CRLF3: variants seen among roughly 807,000 people sequenced by gnomAD.
The protein encoded by CRLF3 is cytokine receptor-like factor 3.
CRLF3 carries 33 observed loss-of-function variants against 55.0 expected under a neutral mutation model. That is an observed-to-expected ratio of 0.60 (90% CI 0.46 to 0.80). CRLF3 has a LOEUF of 0.80. CRLF3 is among the 30% of genes least tolerant of loss of function. The probability of loss-of-function intolerance (pLI) is 0.00; values close to 1 mark genes in which losing one functional copy is unlikely to be tolerated. For missense variants in CRLF3, 494 were observed against 538.4 expected, an observed-to-expected ratio of 0.92 and a Z score of 0.82; for synonymous variants, 238 against 196.8, an observed-to-expected ratio of 1.21 and a Z score of -1.75.
Position 30,824,561 on chromosome 17 carries a change from C to T in CRLF3, c.91G>A (p.Gly31Ser). 1 of 1,601,644 alleles carries T rather than the reference C, an allele frequency of 6.2e-7. No individual in the cohort carries two copies. Among genetic ancestry groups the T allele is most frequent in the Non-Finnish European group, 8.5e-7 (1 of 1,178,128 alleles). Residue 31 changes from glycine (G) to serine (S), a missense_variant, in exon 1 of 8, where the codon GGT becomes AGT. Physicochemically the swap from Gly to Ser is moderately conservative, Grantham distance 56 (BLOSUM62 0). Coordinates refer to ENST00000324238, the MANE Select transcript of CRLF3 (RefSeq NM_015986.4). ...EAAQSYRREL[G>S]HRLEGLREAR... ...TCACGCAGCCCCTCAAGCCGGTGACCCAGCTCCCGCCGGTAGCTCTGCGCT... is the reference window on the plus strand; with the variant it reads ...TCACGCAGCCCCTCAAGCCGGTGACTCAGCTCCCGCCGGTAGCTCTGCGCT...
chr17:30,784,095 G>T lies in CRLF3; in HGVS notation c.*92C>A. 2 of 1,175,494 alleles carry T rather than the reference G, an allele frequency of 1.7e-6. No individual in the cohort carries two copies. The highest frequency in any genetic ancestry group is 1.2e-6 in the Non-Finnish European group (1 of 832,168). The allele number at this position is 1,175,494 out of a possible 1,614,324, so 72.8% of individuals were successfully genotyped here. On this transcript the variant is annotated 3_prime_UTR_variant, in exon 8 of 8. Transcript: ENST00000324238. Reference sequence around the variant, plus strand: ...CTTTCCAATGGCCTAAGTTAGAGATGAATTCAACTTTTTTTTTAAAGCAAT... The same window carrying T: ...CTTTCCAATGGCCTAAGTTAGAGATTAATTCAACTTTTTTTTTAAAGCAAT...
chr17:30,805,296 AG>A (rs1173435071), intron 1 of CRLF3, among the ~76,000 whole-genome samples: 1 of 152,212 alleles, frequency 6.6e-6, no homozygotes, highest in Non-Finnish European at 1.5e-5. Context: ...CGCTAAAAAA[AG>A]TTATAAATTA....
chr17:30,796,277 T>C lies in CRLF3; in HGVS notation c.486A>G (p.Ser162=). 1 of 1,614,096 alleles carries C rather than the reference T, an allele frequency of 6.2e-7. No homozygotes were observed. The highest frequency in any genetic ancestry group is 8.5e-7 in the Non-Finnish European group (1 of 1,179,970). Residue 162 remains serine, a synonymous_variant, in exon 4 of 8, where the codon TCA becomes TCG. Transcript: ENST00000324238. ...TGTGGTCTTTCACTATGTTAAGAAT[T>C]GAGTCATCCAACTGAGCAGATAAAC... The part of the protein sequence containing the change: ...VPCLSAQLDD[S]ILNIVKDHIF...
At chr17:30,786,158 G>A in intron 6 of CRLF3, 127 bp from the exon 7 acceptor site, 1 of 613,848 alleles carries the variant, frequency 1.6e-6, no homozygotes, top group Admixed American at 2.9e-5. Flanking sequence ...CAGCAACCAT[G>A]ATTGAGTTCT....
At chr17:30,799,731 C>T (rs1484346886) in intron 2 of CRLF3, among the ~76,000 whole-genome samples, 1 of 152,064 alleles carries the variant, frequency 6.6e-6, no homozygotes, top group African/African-American at 2.4e-5. Flanking sequence ...TCTTGAACTC[C>T]TGACCTCAGA....
intron 1 of CRLF3, among the ~76,000 whole-genome samples, chr17:30,821,263 C>A (rs1327755537): frequency 6.6e-6 from 1 of 150,922 alleles, no homozygotes; most frequent in African/African-American, 2.4e-5. Context: ...TCACTTGAGC[C>A]TGAGAGGCAG....
intron 1 of CRLF3, among the ~76,000 whole-genome samples, chr17:30,813,476 T>C (rs532657875): frequency 4.9e-4 from 74 of 152,098 alleles, no homozygotes; most frequent in Admixed American, 7.9e-4. Context: ...GGAAAGAGAG[T>C]AGGAGACATT....
intron 7 of CRLF3, chr17:30,784,645 C>T: frequency 2.1e-6 from 1 of 470,422 alleles, no homozygotes; most frequent in Non-Finnish European, 3.8e-6. Flanking sequence ...TCAGTGTCAT[C>T]AAAAGAAACT....
chr17:30,791,459 G>GGCTGGATTACACCCACCTCA, intron 6 of CRLF3, among the ~76,000 whole-genome samples: 1 of 151,096 alleles, frequency 6.6e-6, no homozygotes, highest in Admixed American at 6.6e-5. Context: ...CAACCGCCTC[G>GGCTGGATTACACCCACCTCA]GCCTCCCAAA....
intron 1 of CRLF3, among the ~76,000 whole-genome samples, chr17:30,811,844 C>T (rs1462871363): frequency 2.1e-5 from 3 of 141,604 alleles, no homozygotes; most frequent in African/African-American, 7.9e-5. Flanking sequence ...GGTGCGGTGG[C>T]TCACGCCTGT....
intron 1 of CRLF3, among the ~76,000 whole-genome samples, chr17:30,823,997 C>G (rs1303751313): frequency 6.6e-6 from 1 of 152,030 alleles, no homozygotes; most frequent in African/African-American, 2.4e-5. Context: ...AGGCATTAAC[C>G]GCATTTATTG....
intron 1 of CRLF3, among the ~76,000 whole-genome samples, chr17:30,822,720 A>C (rs1162400780): frequency 1.3e-5 from 2 of 152,202 alleles, no homozygotes; most frequent in East Asian, 3.8e-4. Flanking sequence ...TATCAAGAGA[A>C]ATTAATTACT....
chr17:30,820,238 C>G (rs561348754), intron 1 of CRLF3, among the ~76,000 whole-genome samples: 1 of 152,310 alleles, frequency 6.6e-6, no homozygotes, highest in South Asian at 2.1e-4. Flanking sequence ...AGAGCCCAAA[C>G]TTAACCACAA....
chr17:30,797,406 CAAG>C lies in CRLF3; in HGVS notation c.338-11_338-9del. 6.2e-7 allele frequency: 1 copy of C among 1,605,630 alleles called. No individual in the cohort carries two copies. On this transcript the variant is annotated splice_polypyrimidine_tract_variant and intron_variant, in intron 2 of 7. Coordinates refer to ENST00000324238, the MANE Select transcript of CRLF3 (RefSeq NM_015986.4). ...CAAGCATGGCGATTTCACCTACAAT[CAAG>C]AATAAGAGAACTAGAACAATGAAAA... is the stretch of plus-strand genomic sequence containing the variant.
At chr17:30,821,361 AGG>A (rs1855093121) in intron 1 of CRLF3, among the ~76,000 whole-genome samples, 1 of 151,120 alleles carries the variant, frequency 6.6e-6, no homozygotes. Flanking sequence ...AAAAGAAAAA[AGG>A]AAAAAAAGTA....
chr17:30,788,272 G>C (rs1409886635), intron 6 of CRLF3, among the ~76,000 whole-genome samples: 1 of 150,138 alleles, frequency 6.7e-6, no homozygotes, highest in Non-Finnish European at 1.5e-5. Context: ...AGGTTGCAGT[G>C]AGCCGATTGT....
At chr17:30,791,720 G>A (rs1971806028) in intron 6 of CRLF3, among the ~76,000 whole-genome samples, 1 of 145,440 alleles carries the variant, frequency 6.9e-6, no homozygotes, top group Admixed American at 6.9e-5. Flanking sequence ...GTTTCACCAT[G>A]TTAGCCAGGA....
intron 4 of CRLF3, among the ~76,000 whole-genome samples, chr17:30,795,122 G>A (rs1300192563): frequency 1.3e-5 from 2 of 151,938 alleles, no homozygotes; most frequent in Non-Finnish European, 2.9e-5. Context: ...AATAAAAATG[G>A]AATGACAGTC....
intron 6 of CRLF3, chr17:30,790,844 C>G: frequency 6.6e-6 from 1 of 152,366 alleles, no homozygotes; most frequent in Non-Finnish European, 1.5e-5. Context: ...TCTCGATCTC[C>G]TGACCTCGTG....
Sources: allele counts gnomAD v4.1 joint callset (sites outside exome capture counted in the v4.1 genomes callset), GRCh38; gene constraint gnomAD v4.1.1; transcripts MANE v1.5; gene names NCBI Gene and HGNC (gene_info 2026-07-23, HGNC 2026-07-21).